The following SCAF4 variants were observed in gnomAD, a reference collection of about 807,000 sequenced individuals.
The protein encoded by SCAF4 is SR-related CTD associated factor 4.
A neutral mutation model predicts 129.8 loss-of-function variants in SCAF4; 25 were observed. The ratio of observed to expected loss-of-function variants is 0.19; its 90% CI spans 0.14 to 0.27. SCAF4 has a LOEUF of 0.27. Among genes scored for constraint, SCAF4 ranks in the 10% least tolerant of loss-of-function variants. SCAF4 has a pLI of 1.00. For synonymous variants in SCAF4, 551 were observed against 497.7 expected (o/e 1.11, Z -1.43); for missense variants, 1,246 against 1,457.1 (o/e 0.86, Z 2.36).
At chr21:31,706,927 AT>A in intron 1 of SCAF4, 1 of 304,264 alleles carries the variant, frequency 3.3e-6, no homozygotes, top group South Asian at 3.0e-5. Context: ...CCAGAGGAGT[AT>A]TTTTATCAAC....
chr21:31,674,911 G>A (rs1231077148), intron 19 of SCAF4, among the ~76,000 whole-genome samples: 1 of 152,166 alleles, frequency 6.6e-6, no homozygotes, highest in Non-Finnish European at 1.5e-5. Flanking sequence ...TTCAATTGCT[G>A]TAGGAGATGG....
At chr21:31,708,261 A>C (rs1265647765) in intron 1 of SCAF4, among the ~76,000 whole-genome samples, 3 of 152,072 alleles carry the variant, frequency 2.0e-5, no homozygotes, top group Non-Finnish European at 4.4e-5. Flanking sequence ...CTGTAGTCCC[A>C]GCTACTTGGG....
chr21:31,696,081 C>G (rs1372849174), intron 9 of SCAF4, 32 bp downstream of exon 9: 1 of 1,496,036 alleles, frequency 6.7e-7, no homozygotes, highest in Non-Finnish European at 9.3e-7. Flanking sequence ...ATGAATAGAT[C>G]TTTCTTTGAA....
chr21:31,694,771 G>A (rs1360061973), intron 10 of SCAF4, 42 bp downstream of exon 10: 3 of 1,586,894 alleles, frequency 1.9e-6, no homozygotes, highest in Non-Finnish European at 2.6e-6. Context: ...TATAAGTCAA[G>A]GCAACAAAAA....
At chr21:31,702,963 G>A (rs1366585111) in intron 4 of SCAF4, among the ~76,000 whole-genome samples, 7 of 151,974 alleles carry the variant, frequency 4.6e-5, no homozygotes, top group African/African-American at 7.2e-5. Context: ...AAATGTCTCC[G>A]TTCTTCATTA....
At chr21:31,683,090 G>A (rs900243500) in intron 19 of SCAF4, among the ~76,000 whole-genome samples, 18 of 152,128 alleles carry the variant, frequency 1.2e-4, no homozygotes, top group African/African-American at 4.3e-4. Context: ...AAACCCTTCT[G>A]GATTTAGAAT....
chr21:31,718,007 G>A (rs924812527), intron 1 of SCAF4, among the ~76,000 whole-genome samples: 1 of 151,602 alleles, frequency 6.6e-6, no homozygotes, highest in African/African-American at 2.4e-5. Flanking sequence ...GCAATGGCGC[G>A]ATCTCGGCTC....
chr21:31,688,203 T>C (rs977341172), intron 16 of SCAF4, 104 bp downstream of exon 16: 5 of 950,480 alleles, frequency 5.3e-6, no homozygotes, highest in South Asian at 4.7e-5. Flanking sequence ...TGCACATATA[T>C]GTACTCATGT....
intron 1 of SCAF4, among the ~76,000 whole-genome samples, chr21:31,717,838 TATATACACACACAC>T (rs2050957439): frequency 2.0e-5 from 2 of 99,002 alleles, no homozygotes; most frequent in African/African-American, 3.8e-5. Flanking sequence ...TATATATATA[TATATACACACACAC>T]ACACACACAC....
rs187270046 is a variant in SCAF4, at chr21:31,728,988, G to A, written c.30+2675C>T. 5.8e-4 allele frequency among the ~76,000 whole-genome samples: 89 copies of A among 152,240 alleles called. 1 individual carries two copies. The highest frequency in any genetic ancestry group is 2.0e-3 in the African/African-American group (83 of 41,534). On this transcript the variant is annotated intron_variant, in intron 1 of 19. Transcript: ENST00000286835. Reference sequence around the variant, plus strand: ...GATGCCAAGGTCCATGGATTCCTTTGGCCCACATCCTTTTCCTATTCTCCA... The same window carrying A: ...GATGCCAAGGTCCATGGATTCCTTTAGCCCACATCCTTTTCCTATTCTCCA...
At position 31,671,156 on chromosome 21, in the gene SCAF4, CT is replaced by C; in HGVS notation, c.*242del. ...AGCACTTCTAATTACGATTTGTAAA[CT>C]TTTTAAAGTCAAAACTTTTAAAAAG... is the stretch of plus-strand genomic sequence containing the variant. On this transcript the variant is annotated 3_prime_UTR_variant, in exon 20 of 20. Transcript: ENST00000286835. 1 of 314,198 alleles carries C rather than the reference CT, an allele frequency of 3.2e-6. No homozygotes were observed. The highest frequency in any genetic ancestry group is 5.7e-6 in the Non-Finnish European group (1 of 175,054). 19.5% of individuals were successfully genotyped at this position (314,198 alleles called of 1,614,324 possible).
rs769168666 is a variant in SCAF4, at chr21:31,671,745, C to G, written c.3098G>C (p.Trp1033Ser). 3.7e-6 allele frequency: 6 copies of G among 1,614,076 alleles called. No homozygotes were observed. The highest frequency in any genetic ancestry group is 5.1e-6 in the Non-Finnish European group (6 of 1,180,026). The change falls in exon 20 of 20, where the codon TGG becomes TCG. Residue 1033 changes from tryptophan to serine, a missense_variant. Transcript: ENST00000286835. ...GTCCCGGTCAGGGCTCCTCCTTCCCCACTCTCTCCTGTCACGGTTACTATT... is the reference window on the plus strand; with the variant it reads ...GTCCCGGTCAGGGCTCCTCCTTCCCGACTCTCTCCTGTCACGGTTACTATT... ...RDNSNRDRRE[W>S]GRRSPDRDRH...
intron 19 of SCAF4, among the ~76,000 whole-genome samples, chr21:31,679,609 G>T (rs997834123): frequency 3.3e-5 from 5 of 152,134 alleles, no homozygotes; most frequent in Admixed American, 2.0e-4. Flanking sequence ...TTTTAAAAAT[G>T]ATGCTTAGAA....
intron 1 of SCAF4, among the ~76,000 whole-genome samples, chr21:31,725,361 T>C (rs937827935): frequency 6.6e-6 from 1 of 152,062 alleles, no homozygotes. Flanking sequence ...TACAGAACAA[T>C]TTACAGTAAG....
chr21:31,682,559 C>G (rs1372785891), intron 19 of SCAF4, among the ~76,000 whole-genome samples: 2 of 152,154 alleles, frequency 1.3e-5, no homozygotes, highest in East Asian at 3.9e-4. Flanking sequence ...TGCCCTACAG[C>G]AGGCCCCAAA....
chr21:31,723,504 T>A (rs2051122324), intron 1 of SCAF4, among the ~76,000 whole-genome samples: 1 of 152,084 alleles, frequency 6.6e-6, no homozygotes, highest in Non-Finnish European at 1.5e-5. Flanking sequence ...AAAAATCCTG[T>A]AACATTTGTA....
chr21:31,705,287 TTCTAGTGATTAAAAAGAACC>T (rs2050629677), intron 3 of SCAF4, 116 bp downstream of exon 3: 1 of 480,874 alleles, frequency 2.1e-6, no homozygotes, highest in South Asian at 2.8e-5. Flanking sequence ...TTTTATAAAC[TTCTAGTGATTAAAAAGAACC>T]TCTAGTGACT....
At chr21:31,684,498 G>A (rs1205140137) in intron 19 of SCAF4, 1 of 153,402 alleles carries the variant, frequency 6.5e-6, no homozygotes, top group Non-Finnish European at 1.5e-5. Context: ...CTGAGAGTGA[G>A]TGGGAAAGTG....
At position 31,685,299 on chromosome 21, in the gene SCAF4, C is replaced by G. The variant is rs1433884460; in HGVS notation, c.2297-59G>C. The G allele has an allele frequency of 5.3e-6, 8 of 1,498,162 alleles. No individual in the cohort carries two copies. In the Admixed American group the frequency reaches 1.4e-4, roughly 25 times the overall value. 92.8% of individuals were successfully genotyped at this position (1,498,162 alleles called of 1,614,324 possible). On this transcript the variant is annotated intron_variant, in intron 18 of 19. Transcript: ENST00000286835. The stretch of plus-strand genomic sequence containing the variant: ...GAATAATTAATTATCTCCCGGTCAA[C>G]ATTCTTATGCCATACTATAGATCCT...
Sources: gnomAD v4.1 joint callset for allele counts (sites outside exome capture counted in the v4.1 genomes callset) on GRCh38, gnomAD v4.1.1 for gene constraint, MANE v1.5 for transcripts, NCBI Gene and HGNC (gene_info 2026-07-23, HGNC 2026-07-21) for gene names.